MMP16: variants seen among roughly 807,000 people sequenced by gnomAD.
The protein encoded by MMP16 is matrix metallopeptidase 16.
MMP16 carries 12 observed loss-of-function variants against 67.8 expected under a neutral mutation model. That is an observed-to-expected ratio of 0.18 (90% confidence interval 0.11 to 0.29). The LOEUF is 0.29. Among genes scored for constraint, MMP16 ranks in the 10% least tolerant of loss-of-function variants. The pLI, the probability that MMP16 is intolerant of heterozygous loss-of-function variation, is 1.00. For synonymous variants in MMP16, 249 were observed against 255.9 expected (o/e 0.97, Z 0.26); for missense variants, 475 against 765.7 (o/e 0.62, Z 4.48).
intron 4 of MMP16, among the ~76,000 whole-genome samples, chr8:88,148,399 T>C (rs1222430635): frequency 6.6e-6 from 1 of 152,258 alleles, no homozygotes; most frequent in Non-Finnish European, 1.5e-5. Flanking sequence ...GCTCCTAAAC[T>C]TCTATTTGCA....
At chr8:88,196,827 T>C (rs1043535151) in intron 2 of MMP16, among the ~76,000 whole-genome samples, 5 of 152,100 alleles carry the variant, frequency 3.3e-5, no homozygotes, top group African/African-American at 9.7e-5. Flanking sequence ...ATGTGTACAA[T>C]ATATTCTCAT....
intron 1 of MMP16, among the ~76,000 whole-genome samples, chr8:88,262,751 C>T (rs1039539989): frequency 2.7e-5 from 4 of 148,916 alleles, no homozygotes; most frequent in Non-Finnish European, 4.4e-5. Flanking sequence ...GCCTGTAATC[C>T]CAGCACTTTG....
intron 3 of MMP16, among the ~76,000 whole-genome samples, chr8:88,172,843 C>T (rs7017262): frequency 0.055 from 8,288 of 151,936 alleles, 347 homozygotes; most frequent in Admixed American, 0.11. Context: ...TCTTTAATGA[C>T]CATGCCTTAC....
In MMP16 at chr8:88,327,342, C is replaced by G. The variant is rs889481444; in HGVS notation, c.-136G>C. On this transcript the variant is annotated 5_prime_UTR_variant, in exon 1 of 10. Coordinates refer to ENST00000286614, the MANE Select transcript of MMP16 (RefSeq NM_005941.5). ...GCCTGCAGGTTCACCCACAGCCGGGCAAGGGGAGGAGACAGGGGCCCCGCG... is the reference window on the plus strand; with the variant it reads ...GCCTGCAGGTTCACCCACAGCCGGGGAAGGGGAGGAGACAGGGGCCCCGCG... 7.5e-6 allele frequency: 9 copies of G among 1,195,132 alleles called. No homozygotes were observed. The highest frequency in any genetic ancestry group is 1.1e-5 in the Non-Finnish European group (9 of 850,680). The allele number at this position is 1,195,132 out of a possible 1,614,324, so 74.0% of individuals were successfully genotyped here.
chr8:88,278,659 A>G (rs1374694381), intron 1 of MMP16, among the ~76,000 whole-genome samples: 1 of 152,154 alleles, frequency 6.6e-6, no homozygotes, highest in East Asian at 1.9e-4. Flanking sequence ...TTTTGTACAT[A>G]ATTTTGAATT....
rs146404788 is a variant in MMP16 at position 88,194,548 on chromosome 8, T to C, written c.281+2610A>G. 1.4e-4 allele frequency among the ~76,000 whole-genome samples: 22 copies of C among 152,084 alleles called. No individual in the cohort carries two copies. In the East Asian group the frequency reaches 4.1e-3, roughly 28 times the overall value. On this transcript the variant is annotated intron_variant, in intron 2 of 9. Coordinates refer to ENST00000286614, the MANE Select transcript of MMP16 (RefSeq NM_005941.5). ...TAGTACACTATTTCAGCTGAGTACC[T>C]TGATCAATAACACCTTAAGAGTAGA...
chr8:88,282,220 G>A (rs1006953096), intron 1 of MMP16, among the ~76,000 whole-genome samples: 7 of 151,768 alleles, frequency 4.6e-5, no homozygotes, highest in South Asian at 2.1e-4. Flanking sequence ...GATTACAGGC[G>A]TGCACCACCA....
intron 4 of MMP16, among the ~76,000 whole-genome samples, chr8:88,133,534 T>C (rs1224368448): frequency 6.6e-6 from 1 of 151,862 alleles, no homozygotes; most frequent in Non-Finnish European, 1.5e-5. Flanking sequence ...TGTTCTCTAT[T>C]CATTTTGCTA....
chr8:88,235,190 G>A (rs1233668650), intron 1 of MMP16, among the ~76,000 whole-genome samples: 1 of 151,988 alleles, frequency 6.6e-6, no homozygotes, highest in Non-Finnish European at 1.5e-5. Flanking sequence ...TCAGGAGTTC[G>A]AGACCAGCCT....
chr8:88,304,042 A>G (rs1205716908), intron 1 of MMP16, among the ~76,000 whole-genome samples: 2 of 152,152 alleles, frequency 1.3e-5, no homozygotes, highest in East Asian at 3.9e-4. Flanking sequence ...AGAAACTAAG[A>G]ATCATGATAA....
At chr8:88,165,223 A>G (rs950822960) in intron 4 of MMP16, among the ~76,000 whole-genome samples, 1 of 151,282 alleles carries the variant, frequency 6.6e-6, no homozygotes, top group Admixed American at 6.6e-5. Context: ...AACCCAGCTA[A>G]TAAAGTGTAT....
chr8:88,133,000 T>C (rs1364424866), intron 4 of MMP16, among the ~76,000 whole-genome samples: 1 of 151,918 alleles, frequency 6.6e-6, no homozygotes, highest in African/African-American at 2.4e-5. Flanking sequence ...GGAGTACTGC[T>C]AATCACTGGT....
At chr8:88,129,389 A>G (rs1563540171) in intron 4 of MMP16, among the ~76,000 whole-genome samples, 1 of 151,746 alleles carries the variant, frequency 6.6e-6, no homozygotes, top group African/African-American at 2.4e-5. Context: ...ACAACCCTCT[A>G]TATTCAAGTG....
At chr8:88,189,187 A>G (rs1915014) in intron 2 of MMP16, among the ~76,000 whole-genome samples, 143,048 of 152,212 alleles carry the variant, frequency 0.94, 67,855 homozygotes, top group East Asian at 1. Context: ...GATGAAGAAA[A>G]AAAGAGCCCC....
chr8:88,233,465 C>G (rs901177446), intron 1 of MMP16, among the ~76,000 whole-genome samples: 3 of 152,220 alleles, frequency 2.0e-5, no homozygotes, highest in Non-Finnish European at 4.4e-5. Flanking sequence ...CTTGGTTTAT[C>G]TCCTTTGATC....
intron 6 of MMP16, among the ~76,000 whole-genome samples, chr8:88,081,909 A>T (rs936395145): frequency 8.6e-5 from 13 of 152,014 alleles, no homozygotes; most frequent in African/African-American, 3.1e-4. Flanking sequence ...TGTTTTTCTT[A>T]AAAAACAACC....
intron 1 of MMP16, among the ~76,000 whole-genome samples, chr8:88,258,690 A>G (rs1810342298): frequency 6.6e-6 from 1 of 152,174 alleles, no homozygotes; most frequent in African/African-American, 2.4e-5. Context: ...AGAGCTTACG[A>G]CTCAGAAAAC....
At chr8:88,233,232 T>TA (rs954191590) in intron 1 of MMP16, among the ~76,000 whole-genome samples, 2 of 152,056 alleles carry the variant, frequency 1.3e-5, no homozygotes, top group African/African-American at 4.8e-5. Flanking sequence ...TTATTTTTTT[T>TA]AAAAAAGGCC....
intron 1 of MMP16, among the ~76,000 whole-genome samples, chr8:88,271,013 G>T (rs1810554862): frequency 6.6e-6 from 1 of 152,156 alleles, no homozygotes; most frequent in Non-Finnish European, 1.5e-5. Context: ...TTTGCTAGAT[G>T]AATGAATAAT....
Sources: gnomAD v4.1 joint callset for allele counts (sites outside exome capture counted in the v4.1 genomes callset) on GRCh38, gnomAD v4.1.1 for gene constraint, MANE v1.5 for transcripts, NCBI Gene and HGNC (gene_info 2026-07-23, HGNC 2026-07-21) for gene names.